RBFOX1: variants seen among roughly 807,000 people sequenced by gnomAD.
RBFOX1 encodes RNA binding protein fox-1 homolog 1.
RBFOX1 carries 8 observed loss-of-function variants against 57.7 expected under a neutral mutation model. The ratio of observed to expected loss-of-function variants is 0.14; its 90% confidence interval spans 0.08 to 0.25. RBFOX1 has a LOEUF of 0.25. Ranked by LOEUF, RBFOX1 falls within the 10% of genes least tolerant of loss-of-function variation. RBFOX1 has a pLI of 1.00. For synonymous variants in RBFOX1, 326 were observed against 222.4 expected (o/e 1.47, Z -4.15); for missense variants, 611 against 548.5 (o/e 1.11, Z -1.14).
intron 3 of RBFOX1, among the ~76,000 whole-genome samples, chr16:6,858,281 GTCTTCCCTC>G (rs1187820393): frequency 6.6e-6 from 1 of 152,130 alleles, no homozygotes; most frequent in Non-Finnish European, 1.5e-5. Context: ...TGTTTCAGAG[GTCTTCCCTC>G]TCTGTGTTGA....
chr16:7,247,923 A>G (rs1003190304), intron 4 of RBFOX1, among the ~76,000 whole-genome samples: 7 of 152,208 alleles, frequency 4.6e-5, no homozygotes, highest in African/African-American at 1.7e-4. Context: ...AGGATCAGGA[A>G]AAATAACTAA....
At chr16:6,574,533 A>T (rs368707460) in intron 2 of RBFOX1, among the ~76,000 whole-genome samples, 2 of 141,078 alleles carry the variant, frequency 1.4e-5, no homozygotes, top group African/African-American at 5.2e-5. Flanking sequence ...GGTTCACGCC[A>T]TTCTCCTGCC....
Position 5,946,428 on chromosome 16 carries a change from T to C in RBFOX1, c.351+79093T>C, listed in dbSNP as rs1023374423. On this transcript the variant is annotated intron_variant, in intron 4 of 19. Coordinates refer to the RBFOX1 transcript ENST00000641259. The surrounding 1 kb of genome is among the most constrained non-coding windows in gnomAD (Gnocchi z 4.6). ...CAAGTGCCGGATGCACTACTCTATC[T>C]TGCGACAGAGCCATGAACAGCTCAG... is the stretch of plus-strand genomic sequence containing the variant. 2.3e-4 allele frequency among the ~76,000 whole-genome samples: 35 copies of C among 152,204 alleles called. No homozygotes were observed. Among genetic ancestry groups the C allele is most frequent in the African/African-American group, 8.2e-4 (34 of 41,454 alleles).
chr16:7,588,961 T>C (rs2094289110), intron 7 of RBFOX1, among the ~76,000 whole-genome samples: 1 of 152,206 alleles, frequency 6.6e-6, no homozygotes, highest in Admixed American at 6.5e-5. Flanking sequence ...CACTTTGTGA[T>C]AATACTCCTT....
At chr16:6,998,824 C>T (rs547344784) in intron 3 of RBFOX1, among the ~76,000 whole-genome samples, 15 of 151,988 alleles carry the variant, frequency 9.9e-5, no homozygotes, top group African/African-American at 3.6e-4. Flanking sequence ...AATATACCCA[C>T]AAATACTGGA....
At chr16:6,903,578 C>T (rs77127372) in intron 3 of RBFOX1, among the ~76,000 whole-genome samples, 2 of 152,130 alleles carry the variant, frequency 1.3e-5, no homozygotes, top group African/African-American at 2.4e-5. Context: ...CCCGCAATCA[C>T]TTATCCCAGA....
intron 1 of RBFOX1, among the ~76,000 whole-genome samples, chr16:6,291,975 ATACT>A (rs1381560780): frequency 1.4e-5 from 2 of 145,188 alleles, no homozygotes; most frequent in South Asian, 2.2e-4. Flanking sequence ...GTGTGTGTAC[ATACT>A]TGTGTGTGTG....
intron 3 of RBFOX1, among the ~76,000 whole-genome samples, chr16:5,790,716 G>C (rs530626280): frequency 6.6e-6 from 1 of 152,254 alleles, no homozygotes; most frequent in South Asian, 2.1e-4. Flanking sequence ...AAAGAGATGA[G>C]AGTGAGTGTG....
chr16:7,045,695 C>G (rs1411927603), intron 3 of RBFOX1, among the ~76,000 whole-genome samples: 1 of 151,928 alleles, frequency 6.6e-6, no homozygotes. Context: ...CGCTTTGTTG[C>G]CCAGGCTGGA....
At chr16:6,589,223 C>G (rs895731873) in intron 2 of RBFOX1, among the ~76,000 whole-genome samples, 8 of 152,200 alleles carry the variant, frequency 5.3e-5, no homozygotes, top group African/African-American at 1.9e-4. Context: ...AGAACTCTAA[C>G]CAGCCAATGG....
At chr16:5,300,451 A>G (rs941193205) in intron 1 of RBFOX1, among the ~76,000 whole-genome samples, 1 of 152,156 alleles carries the variant, frequency 6.6e-6, no homozygotes, top group African/African-American at 2.4e-5. Flanking sequence ...CTCAGAAACC[A>G]CCACTAATGA....
At chr16:6,251,130 A>G (rs1000779973) in intron 1 of RBFOX1, among the ~76,000 whole-genome samples, 5 of 152,148 alleles carry the variant, frequency 3.3e-5, no homozygotes, top group African/African-American at 1.2e-4. Context: ...TAATGACCAC[A>G]TTCACTCCTC....
chr16:6,744,004 A>T (rs965457803), intron 3 of RBFOX1, among the ~76,000 whole-genome samples: 3 of 151,868 alleles, frequency 2.0e-5, no homozygotes, highest in Admixed American at 6.6e-5. Flanking sequence ...GTGTGTTCGC[A>T]TGTTTAAATA....
At chr16:6,116,340 C>T (rs968792813) in intron 1 of RBFOX1, among the ~76,000 whole-genome samples, 2 of 152,116 alleles carry the variant, frequency 1.3e-5, no homozygotes, top group African/African-American at 2.4e-5. Context: ...ATGGGTGCAG[C>T]AAACCACCAT....
chr16:6,821,118 C>T (rs1352996669), intron 3 of RBFOX1, among the ~76,000 whole-genome samples: 3 of 152,152 alleles, frequency 2.0e-5, no homozygotes, highest in Non-Finnish European at 4.4e-5. Context: ...CATTAAAAAA[C>T]AATAGTGATG....
chr16:6,899,561 C>G (rs1248370793), intron 3 of RBFOX1, among the ~76,000 whole-genome samples: 2 of 152,144 alleles, frequency 1.3e-5, no homozygotes, highest in Non-Finnish European at 2.9e-5. Flanking sequence ...ATTACAACTC[C>G]ATCTCTCACC....
intron 3 of RBFOX1, among the ~76,000 whole-genome samples, chr16:6,876,242 C>G (rs1328390151): frequency 6.6e-6 from 1 of 152,080 alleles, no homozygotes; most frequent in African/African-American, 2.4e-5. Flanking sequence ...ATCTTAGATT[C>G]CTGACATCCA....
chr16:5,967,849 G>A (rs1030593853), intron 4 of RBFOX1, among the ~76,000 whole-genome samples: 1 of 152,036 alleles, frequency 6.6e-6, no homozygotes, highest in Non-Finnish European at 1.5e-5. Context: ...TGAAAGCAGG[G>A]GTATTTTGCT....
At chr16:7,702,513 A>AC (rs2081083508) in intron 14 of RBFOX1, among the ~76,000 whole-genome samples, 3 of 152,230 alleles carry the variant, frequency 2.0e-5, no homozygotes, top group Non-Finnish European at 4.4e-5. Flanking sequence ...GAAAACATAA[A>AC]TGCCCATAAC....
Sources: gnomAD v4.1 joint callset for allele counts (sites outside exome capture counted in the v4.1 genomes callset) on GRCh38, gnomAD v4.1.1 for gene constraint, Gnocchi (gnomAD v3.1) non-coding constraint, MANE v1.5 for transcripts, NCBI Gene and HGNC (gene_info 2026-07-23, HGNC 2026-07-21) for gene names.